Variants in PUDP observed in about 807,000 individuals in gnomAD.
PUDP encodes pseudouridine 5'-phosphatase.
In PUDP, 8 loss-of-function variants were observed where a neutral mutation model predicts 9.4. The observed-to-expected ratio is 0.85, with a 90% confidence interval of 0.50 to 1.53. The LOEUF is 1.53. Ranked by LOEUF, PUDP falls within the 40% of genes most tolerant of loss-of-function variation. PUDP has a pLI of 0.00. For synonymous variants in PUDP, 99 were observed against 80.7 expected (o/e 1.23, Z -1.22); for missense variants, 188 against 189.7 (o/e 0.99, Z 0.05).
chrX:6,730,696 A>G (rs781405768), intron 3 of PUDP, among the ~76,000 whole-genome samples: 5 of 112,307 alleles, frequency 4.5e-5, no homozygotes, highest in African/African-American at 1.6e-4. Context: ...TGAATAAGTA[A>G]GAGTTATCCA....
intron 3 of PUDP, among the ~76,000 whole-genome samples, chrX:6,973,061 T>C (rs760193734): frequency 8.4e-4 from 94 of 112,269 alleles, no homozygotes; most frequent in African/African-American, 2.8e-3. Context: ...ATATCCTCTT[T>C]GTAATTTTTT....
intron 2 of PUDP, among the ~76,000 whole-genome samples, chrX:7,084,119 G>A (rs896706006): frequency 9.4e-6 from 1 of 106,272 alleles, no homozygotes; most frequent in Non-Finnish European, 2.0e-5. Flanking sequence ...ATCTTTGCGG[G>A]TGAAGACATA....
chrX:6,790,078 G>GAT (rs1268146881), intron 3 of PUDP, among the ~76,000 whole-genome samples: 1 of 110,892 alleles, frequency 9.0e-6, no homozygotes, highest in Non-Finnish European at 1.9e-5. Flanking sequence ...AGAGACAGAA[G>GAT]ATATATAGAC....
At chrX:6,860,665 T>C (rs1349537560) in intron 3 of PUDP, among the ~76,000 whole-genome samples, 1 of 110,095 alleles carries the variant, frequency 9.1e-6, no homozygotes, top group Non-Finnish European at 1.9e-5. Context: ...AGAGACGGGG[T>C]TTCAGCATGT....
rs1162322257 is a variant in PUDP, at chrX:6,720,287, T to TATAC, written n.128+1129_128+1130insGTAT. 3.3e-3 allele frequency among the ~76,000 whole-genome samples: 272 copies of TATAC among 83,119 alleles called. 2 individuals carry two copies. Among genetic ancestry groups the TATAC allele is most frequent in the Middle Eastern group, 0.013 (2 of 155 alleles). The allele number at this position is 83,119 out of a possible 115,157, so 72.2% of individuals were successfully genotyped here. ...ATATATATATATATATATATATATA[T>TATAC]ACACACACACACATAAATATGAATA... On this transcript the variant is annotated intron_variant and non_coding_transcript_variant, in intron 1 of 2. Coordinates refer to the PUDP transcript ENST00000438499.
chrX:7,071,204 C>T (rs1197400120), intron 3 of PUDP, among the ~76,000 whole-genome samples: 3 of 111,159 alleles, frequency 2.7e-5, no homozygotes, highest in African/African-American at 6.5e-5. Flanking sequence ...TGAATATATG[C>T]CCAGCGACAG....
At chrX:7,109,361 GAC>G (rs1931973716) in intron 1 of PUDP, among the ~76,000 whole-genome samples, 2 of 111,985 alleles carry the variant, frequency 1.8e-5, no homozygotes, top group African/African-American at 6.5e-5. Flanking sequence ...GAACAAGTGA[GAC>G]ACCACTGTCG....
At chrX:6,889,350 T>C (rs12852527) in intron 3 of PUDP, among the ~76,000 whole-genome samples, 14 of 111,931 alleles carry the variant, frequency 1.3e-4, no homozygotes, top group Admixed American at 3.8e-4. Flanking sequence ...TTATTTTTTG[T>C]ACAGATGAGT....
chrX:6,912,180 C>G (rs1047344998), intron 3 of PUDP, among the ~76,000 whole-genome samples: 1 of 111,516 alleles, frequency 9.0e-6, no homozygotes, highest in Non-Finnish European at 1.9e-5. Flanking sequence ...TTGATTTTCT[C>G]TTATGCCTTT....
intron 2 of PUDP, among the ~76,000 whole-genome samples, 153 bp downstream of exon 2, chrX:7,105,467 C>T (rs918233728): frequency 5.4e-5 from 6 of 111,718 alleles, no homozygotes; most frequent in African/African-American, 1.6e-4. Flanking sequence ...CAGCATCAGC[C>T]AAACTCTTTC....
intron 3 of PUDP, among the ~76,000 whole-genome samples, chrX:6,925,633 A>G (rs1306098727): frequency 8.9e-6 from 1 of 112,397 alleles, no homozygotes; most frequent in African/African-American, 3.2e-5. Flanking sequence ...GTCGGATTAT[A>G]ATTTGGTTTT....
intron 2 of PUDP, 64 bp downstream of exon 2, chrX:7,105,556 G>A: frequency 2.4e-6 from 2 of 842,490 alleles, no homozygotes; most frequent in East Asian, 6.5e-5. Context: ...GACTTTAAAG[G>A]TGATTTACAA....
At chrX:6,934,084 C>A (rs1928253222) in intron 3 of PUDP, among the ~76,000 whole-genome samples, 1 of 100,444 alleles carries the variant, frequency 1.0e-5, no homozygotes, top group South Asian at 4.6e-4. Flanking sequence ...GAGAACTTCC[C>A]CAATCTAGCA....
intron 3 of PUDP, among the ~76,000 whole-genome samples, chrX:6,746,816 T>C (rs1194286018): frequency 9.0e-6 from 1 of 111,728 alleles, no homozygotes; most frequent in African/African-American, 3.3e-5. Flanking sequence ...CAGTCTATCG[T>C]TGATGGGCAT....
chrX:6,779,981 G>A (rs1925530631), intron 3 of PUDP, among the ~76,000 whole-genome samples: 1 of 110,562 alleles, frequency 9.0e-6, no homozygotes, highest in Admixed American at 9.6e-5. Flanking sequence ...CCCTCTTGAA[G>A]TTCTATAGCA....
chrX:6,795,208 G>A (rs1925824467), intron 3 of PUDP, among the ~76,000 whole-genome samples: 1 of 111,361 alleles, frequency 9.0e-6, no homozygotes, highest in African/African-American at 3.3e-5. Flanking sequence ...CTGACAGAAT[G>A]TCGTGACGTG....
intron 3 of PUDP, among the ~76,000 whole-genome samples, chrX:6,871,136 C>T (rs1927168852): frequency 8.9e-6 from 1 of 112,233 alleles, no homozygotes; most frequent in Non-Finnish European, 1.9e-5. Flanking sequence ...GACTAGAGAC[C>T]AGTCCCTTTA....
chrX:6,950,331 C>A (rs1181479967), intron 3 of PUDP, among the ~76,000 whole-genome samples: 15 of 70,704 alleles, frequency 2.1e-4, no homozygotes, highest in Middle Eastern at 8.8e-3. Flanking sequence ...GAGCAAAGCT[C>A]TGTCTCAAAA....
chrX:6,988,720 C>T (rs185362823), intron 1 of PUDP, among the ~76,000 whole-genome samples: 36 of 110,563 alleles, frequency 3.3e-4, no homozygotes, highest in Admixed American at 3.1e-3. Flanking sequence ...TTTGTGGAGG[C>T]CTGGTGAGTT....
Sources: gnomAD v4.1 joint callset for allele counts (sites outside exome capture counted in the v4.1 genomes callset) on GRCh38, gnomAD v4.1.1 for gene constraint, MANE v1.5 for transcripts, NCBI Gene and HGNC (gene_info 2026-07-23, HGNC 2026-07-21) for gene names.